Variants in BRAF observed in about 807,000 individuals in gnomAD.
The protein encoded by BRAF is B-Raf proto-oncogene, serine/threonine kinase, also known as serine/threonine-protein kinase B-raf.
Under a neutral mutation model 104.6 loss-of-function variants are expected in BRAF, and 16 were observed. That is an observed-to-expected ratio of 0.15 (90% CI 0.10 to 0.23). The LOEUF is 0.23. Ranked by LOEUF, BRAF falls within the 10% of genes least tolerant of loss-of-function variation. BRAF has a pLI of 1.00. For missense variants in BRAF, 541 were observed against 937.3 expected, an observed-to-expected ratio of 0.58 and a Z score of 5.52; for synonymous variants, 310 against 341.6, an observed-to-expected ratio of 0.91 and a Z score of 1.02.
intron 3 of BRAF, among the ~76,000 whole-genome samples, chr7:140,827,892 T>TTTTA (rs1170872336): frequency 4.6e-5 from 7 of 152,134 alleles, no homozygotes; most frequent in Non-Finnish European, 8.8e-5. Context: ...GACACTGAAA[T>TTTTA]TTTATTTATT....
At chr7:140,732,126 C>G (rs1225373335) in intron 19 of BRAF, 10 of 126,866 alleles carry the variant, frequency 7.9e-5, no homozygotes, top group African/African-American at 3.0e-4. Context: ...AGCCGAGATC[C>G]CGCCACTGCA....
chr7:140,717,534 A>T (rs780789527), downstream of BRAF, among the ~76,000 whole-genome samples: 2 of 152,190 alleles, frequency 1.3e-5, no homozygotes, highest in Non-Finnish European at 2.9e-5. Context: ...GGCGTGAGCC[A>T]TTGAGCCCAA....
chr7:140,883,604 GATGA>G (rs1298652946), intron 1 of BRAF, among the ~76,000 whole-genome samples: 1 of 152,110 alleles, frequency 6.6e-6, no homozygotes, highest in African/African-American at 2.4e-5. Flanking sequence ...TTTTTCTAAA[GATGA>G]ATAACCATAC....
At chr7:140,793,981 A>T (rs1241348350) in intron 8 of BRAF, among the ~76,000 whole-genome samples, 3 of 152,202 alleles carry the variant, frequency 2.0e-5, no homozygotes, top group African/African-American at 7.2e-5. Flanking sequence ...CATTTTTATA[A>T]AAGTTTTAAA....
intron 1 of BRAF, among the ~76,000 whole-genome samples, chr7:140,854,117 G>A (rs1384790616): frequency 3.3e-5 from 5 of 152,084 alleles, no homozygotes; most frequent in East Asian, 1.9e-4. Flanking sequence ...CTACAGGCAC[G>A]CAGCAGCACA....
In BRAF at chr7:140,726,196, T is replaced by C. The variant is rs1336240134; in HGVS notation, c.*298A>G. On this transcript the variant is annotated 3_prime_UTR_variant, in exon 20 of 20. Coordinates refer to ENST00000644969, the MANE Select transcript of BRAF (RefSeq NM_001374258.1). ...CTGTAGCAGCAGTTTCTTTCCATCA[T>C]GCCTGACCATCAAAAGGTCAGAATT... 22 of 1,231,688 alleles carry C rather than the reference T, an allele frequency of 1.8e-5. No homozygotes were observed. The highest frequency in any genetic ancestry group is 1.4e-4 in the East Asian group (4 of 28,876). The allele number at this position is 1,231,688 out of a possible 1,614,324, so 76.3% of individuals were successfully genotyped here. A position where few individuals can be genotyped will look rare whatever the true frequency, so the allele number is the denominator to read the frequency against.
chr7:140,805,271 C>T (rs138801292), intron 5 of BRAF, among the ~76,000 whole-genome samples: 646 of 152,202 alleles, frequency 4.2e-3, no homozygotes, highest in Non-Finnish European at 6.7e-3. Context: ...CTATGTATCA[C>T]TTTCTAGGGG....
Position 140,719,900 on chromosome 7 carries a change from AGAG to A in BRAF, c.*6591_*6593del. ...CCCGAACCTTTGGCAGTAACAGAAA[AGAG>A]GAATGTGTGTGTGAGTCGCCATAAG... On this transcript the variant is annotated 3_prime_UTR_variant, in exon 20 of 20. Transcript: ENST00000644969. The A allele has an allele frequency of 3.8e-6, 4 of 1,062,560 alleles. No homozygotes were observed. Among genetic ancestry groups the A allele is most frequent in the Non-Finnish European group, 4.6e-6 (4 of 877,562 alleles). 65.8% of individuals were successfully genotyped at this position (1,062,560 alleles called of 1,614,324 possible).
At chr7:140,727,625 TTTC>T (rs984888764) in intron 19 of BRAF, among the ~76,000 whole-genome samples, 3 of 151,366 alleles carry the variant, frequency 2.0e-5, no homozygotes, top group Non-Finnish European at 4.4e-5. Flanking sequence ...TACCACTATT[TTTC>T]TTTTTTTTTT....
chr7:140,850,478 C>T (rs1177313840), intron 1 of BRAF, among the ~76,000 whole-genome samples: 1 of 152,092 alleles, frequency 6.6e-6, no homozygotes, highest in Non-Finnish European at 1.5e-5. Context: ...CTTCATCTTC[C>T]TCACATTCCC....
rs1586236781 is a variant in BRAF, at chr7:140,807,877, T to C, written c.711+83A>G. On this transcript the variant is annotated intron_variant, in intron 5 of 19. Coordinates refer to ENST00000644969, the MANE Select transcript of BRAF (RefSeq NM_001374258.1). ...TGTCAGTTCCAAAATTACTCATCCA[T>C]ATTTCACATTCCCTAAATAAAAATT... The C allele has an allele frequency of 1.2e-5, 13 of 1,082,644 alleles. No individual in the cohort carries two copies. In the East Asian group the frequency reaches 2.6e-4, roughly 21 times the overall value. The allele number at this position is 1,082,644 out of a possible 1,614,324, so 67.1% of individuals were successfully genotyped here.
At chr7:140,726,849 T>C (rs142282286) in intron 19 of BRAF, among the ~76,000 whole-genome samples, 3 of 152,358 alleles carry the variant, frequency 2.0e-5, no homozygotes, top group African/African-American at 7.2e-5. Context: ...TGTCAATTTG[T>C]AGAATACTTC....
At chr7:140,917,484 G>A (rs1359213251) in intron 1 of BRAF, among the ~76,000 whole-genome samples, 2 of 152,218 alleles carry the variant, frequency 1.3e-5, no homozygotes, top group African/African-American at 4.8e-5. Context: ...GGAACTAGGA[G>A]CTGGGCTTGG....
chr7:140,774,533 T>C (rs1800147251), intron 14 of BRAF, among the ~76,000 whole-genome samples: 1 of 152,176 alleles, frequency 6.6e-6, no homozygotes, highest in African/African-American at 2.4e-5. Context: ...GCCTGTTTGT[T>C]TTGGGACAGG....
At chr7:140,777,211 A>T in intron 13 of BRAF, 123 bp from the exon 13 acceptor site, 1 of 942,868 alleles carries the variant, frequency 1.1e-6, no homozygotes, top group Non-Finnish European at 1.6e-6. Context: ...TTTTTAAAAA[A>T]GGCAACAAAA....
chr7:140,773,222 T>C (rs1363304154), intron 14 of BRAF: 1 of 152,204 alleles, frequency 6.6e-6, no homozygotes, highest in Non-Finnish European at 1.5e-5. Context: ...CACCAATATC[T>C]AGTTATCCAG....
In BRAF at chr7:140,770,169, A is replaced by G. The variant is rs186478824; in HGVS notation, c.1814+6743T>C. Among the ~76,000 whole-genome samples the G allele has an allele frequency of 1.1e-4, 16 of 152,136 alleles. No individual in the cohort carries two copies. In the South Asian group the frequency reaches 1.5e-3, roughly 14 times the overall value. On this transcript the variant is annotated intron_variant, in intron 14 of 19. Coordinates refer to ENST00000644969, the MANE Select transcript of BRAF (RefSeq NM_001374258.1). ...TGATTATTATTATTATCAGCACCCT[A>G]TTATTATTTTTACCGACCAGAAAAT...
Position 140,777,061 on chromosome 7 carries a change from G to C in BRAF, c.1665C>G (p.Leu555=), listed in dbSNP as rs1269507461. 6.2e-7 allele frequency: 1 copy of C among 1,613,986 alleles called. No homozygotes were observed. The highest frequency in any genetic ancestry group is 1.1e-5 in the South Asian group (1 of 91,080). Residue 555 remains leucine, a synonymous_variant, in exon 14 of 20, where the codon CTC becomes CTG. Transcript: ENST00000644969. ...LRKTRHVNIL[L]FMGYSTKPQL... is the part of the protein sequence containing the mutation. The stretch of plus-strand genomic sequence containing the variant: ...GTGGCTTTGTGGAATAGCCCATGAA[G>C]AGTAGGATATTCACATGTCGTGTTT...
chr7:140,912,437 T>C (rs556147819), intron 1 of BRAF, among the ~76,000 whole-genome samples: 1 of 152,238 alleles, frequency 6.6e-6, no homozygotes, highest in Non-Finnish European at 1.5e-5. Context: ...TTCCTATTTA[T>C]ACACTAAATC....
Sources: gnomAD v4.1 joint callset for allele counts (sites outside exome capture counted in the v4.1 genomes callset) on GRCh38, gnomAD v4.1.1 for gene constraint, MANE v1.5 for transcripts, NCBI Gene and HGNC (gene_info 2026-07-23, HGNC 2026-07-21) for gene names.